The following MAST2 variants were observed in gnomAD, a reference collection of about 807,000 sequenced individuals.
MAST2 encodes microtubule-associated serine/threonine-protein kinase 2.
In MAST2, 70 loss-of-function variants were observed where a neutral mutation model predicts 147.4. That is an observed-to-expected ratio of 0.47 (90% confidence interval 0.39 to 0.58). MAST2 has a LOEUF of 0.58. Ranked by LOEUF, MAST2 falls within the 20% of genes least tolerant of loss-of-function variation. The pLI, the probability that MAST2 is intolerant of heterozygous loss-of-function variation, is 0.00. For missense variants in MAST2, 2,080 were observed against 2,302.3 expected, an observed-to-expected ratio of 0.90 and a Z score of 1.98; for synonymous variants, 869 against 896.8, an observed-to-expected ratio of 0.97 and a Z score of 0.55.
At chr1:45,901,565 G>A (rs894632175) in intron 4 of MAST2, among the ~76,000 whole-genome samples, 6 of 152,054 alleles carry the variant, frequency 3.9e-5, no homozygotes, top group African/African-American at 1.4e-4. Context: ...GATTAAAATT[G>A]CTTTGGGCAG....
intron 1 of MAST2, among the ~76,000 whole-genome samples, chr1:45,813,790 C>T (rs917220362): frequency 3.3e-5 from 5 of 152,160 alleles, no homozygotes; most frequent in East Asian, 3.9e-4. Flanking sequence ...TGAACCACTG[C>T]GCCTGGCCAG....
At chr1:46,027,523 C>T (rs1478126740) in intron 16 of MAST2, among the ~76,000 whole-genome samples, 1 of 152,148 alleles carries the variant, frequency 6.6e-6, no homozygotes, top group Non-Finnish European at 1.5e-5. Flanking sequence ...GGGCAAAAGG[C>T]AGGTTCGTTG....
chr1:45,948,685 C>CTG (rs1418889303), intron 4 of MAST2, among the ~76,000 whole-genome samples: 2 of 106,750 alleles, frequency 1.9e-5, no homozygotes, highest in Non-Finnish European at 3.4e-5. Flanking sequence ...CCAGCCTGGG[C>CTG]GACAGAGTGA....
chr1:46,005,825 A>G (rs1233145394), intron 7 of MAST2, among the ~76,000 whole-genome samples: 1 of 152,162 alleles, frequency 6.6e-6, no homozygotes, highest in Non-Finnish European at 1.5e-5. Context: ...TCTCCTCCAG[A>G]TAGCAGCCAA....
intron 4 of MAST2, among the ~76,000 whole-genome samples, chr1:45,885,090 T>C (rs1300633193): frequency 2.0e-5 from 3 of 152,202 alleles, no homozygotes; most frequent in African/African-American, 7.2e-5. Context: ...AAAACTGATG[T>C]TAATAAAATG....
chr1:45,954,028 A>G (rs1275672635), intron 4 of MAST2, among the ~76,000 whole-genome samples: 1 of 152,128 alleles, frequency 6.6e-6, no homozygotes, highest in African/African-American at 2.4e-5. Flanking sequence ...CCAGCTCCAC[A>G]TTCTTCTTTA....
rs1384905856 is a variant in MAST2, at chr1:45,811,976, G to T, written c.177+7904G>T. 2.6e-5 allele frequency among the ~76,000 whole-genome samples: 4 copies of T among 151,982 alleles called. No individual in the cohort carries two copies. In the East Asian group the frequency reaches 7.8e-4, roughly 30 times the overall value. ...GTAAAGATGGGGTTTCACCATGTTG[G>T]CCAGGCTGGTCTGGACCTCCTGACC... On this transcript the variant is annotated intron_variant, in intron 1 of 28. Transcript: ENST00000361297.
In MAST2 at chr1:46,034,601, C is replaced by T. The variant is rs1245091276; in HGVS notation, c.3932C>T (p.Ser1311Phe). ...SSSVPSSPAG[S>F]GHTRPSSLHG... ...AGCGTGCCCAGTTCCCCAGCCGGCT[C>T]TGGGCACACACGGCCCAGCTCCCTC... Residue 1311 changes from serine (S) to phenylalanine (F), a missense_variant, in exon 29 of 29, where the codon TCT becomes TTT. Physicochemically the swap from Ser to Phe is radical, Grantham distance 155. Coordinates refer to ENST00000361297, the MANE Select transcript of MAST2 (RefSeq NM_015112.3). 2 of 1,614,138 alleles carry T rather than the reference C, an allele frequency of 1.2e-6. No homozygotes were observed. The highest frequency in any genetic ancestry group is 2.2e-5 in the South Asian group (2 of 91,082).
intron 22 of MAST2, 34 bp from the exon 23 acceptor site, chr1:46,030,973 C>G (rs1236351695): frequency 6.2e-7 from 1 of 1,601,484 alleles, no homozygotes; most frequent in East Asian, 2.2e-5. Context: ...GGGGGACCAC[C>G]TGGGTCACTC....
At chr1:45,911,744 G>A (rs1051959442) in intron 4 of MAST2, among the ~76,000 whole-genome samples, 15 of 150,398 alleles carry the variant, frequency 1.0e-4, no homozygotes, top group Non-Finnish European at 1.8e-4. Flanking sequence ...ATATCATATG[G>A]CTATGATGAG....
At chr1:45,914,968 TCTTA>T (rs1652243102) in intron 4 of MAST2, among the ~76,000 whole-genome samples, 1 of 152,174 alleles carries the variant, frequency 6.6e-6, no homozygotes, top group Non-Finnish European at 1.5e-5. Context: ...TTTGAGAGTG[TCTTA>T]CTTTATGGCC....
intron 16 of MAST2, among the ~76,000 whole-genome samples, chr1:46,027,519 A>C (rs1427627123): frequency 6.6e-6 from 1 of 152,158 alleles, no homozygotes; most frequent in East Asian, 1.9e-4. Context: ...GAATGGGCAA[A>C]AGGCAGGTTC....
intron 3 of MAST2, among the ~76,000 whole-genome samples, chr1:45,878,813 A>G (rs1285030762): frequency 6.6e-6 from 1 of 152,104 alleles, no homozygotes; most frequent in Admixed American, 6.5e-5. Context: ...AAACGATAAA[A>G]CATTGCTTAG....
At chr1:45,853,292 T>C (rs926473135) in intron 3 of MAST2, among the ~76,000 whole-genome samples, 3 of 149,646 alleles carry the variant, frequency 2.0e-5, no homozygotes, top group Non-Finnish European at 3.0e-5. Context: ...ATATGTGGTT[T>C]GCAAATAACT....
chr1:45,867,252 T>C (rs1050342625), intron 3 of MAST2, among the ~76,000 whole-genome samples: 3 of 152,210 alleles, frequency 2.0e-5, no homozygotes, highest in Non-Finnish European at 2.9e-5. Flanking sequence ...GTGTGCCTGG[T>C]GGTACAGGTA....
At chr1:45,958,058 G>C (rs1278173060) in intron 4 of MAST2, among the ~76,000 whole-genome samples, 11 of 152,138 alleles carry the variant, frequency 7.2e-5, no homozygotes, top group Non-Finnish European at 1.6e-4. Context: ...TTTTCTCAAA[G>C]GTTCAGAGTA....
intron 5 of MAST2, among the ~76,000 whole-genome samples, chr1:45,972,587 C>T (rs1054612215): frequency 1.3e-5 from 2 of 152,192 alleles, no homozygotes; most frequent in Non-Finnish European, 2.9e-5. Context: ...ATAGACTCCT[C>T]ACCTCTATCT....
At chr1:45,886,259 A>G (rs961409965) in intron 4 of MAST2, among the ~76,000 whole-genome samples, 49 of 148,138 alleles carry the variant, frequency 3.3e-4, no homozygotes, top group African/African-American at 1.2e-3. Context: ...ATACTTATAT[A>G]AGTATACATA....
intron 4 of MAST2, among the ~76,000 whole-genome samples, chr1:45,884,707 T>A (rs1347272776): frequency 6.6e-6 from 1 of 152,220 alleles, no homozygotes; most frequent in East Asian, 1.9e-4. Flanking sequence ...ATATAAACAA[T>A]ATCCTTTCTT....
Sources: allele counts gnomAD v4.1 joint callset (sites outside exome capture counted in the v4.1 genomes callset), GRCh38; gene constraint gnomAD v4.1.1; transcripts MANE v1.5; gene names NCBI Gene and HGNC (gene_info 2026-07-23, HGNC 2026-07-21).